The following RBFOX1 variants were observed in gnomAD, a reference collection of about 807,000 sequenced individuals.
RBFOX1 encodes RNA binding fox-1 homolog 1.
A neutral mutation model predicts 57.7 loss-of-function variants in RBFOX1; 8 were observed. The observed-to-expected ratio is 0.14, with a 90% confidence interval of 0.08 to 0.25. The LOEUF (loss-of-function observed/expected upper bound fraction) is 0.25, where lower values mean the gene tolerates loss of function less well. RBFOX1 is among the 10% of genes least tolerant of loss of function. RBFOX1 has a pLI of 1.00. For synonymous variants in RBFOX1, 326 were observed against 222.4 expected, an observed-to-expected ratio of 1.47 and a Z score of -4.15; for missense variants, 611 against 548.5, an observed-to-expected ratio of 1.11 and a Z score of -1.14.
chr16:7,088,301 G>T (rs1311407156), intron 4 of RBFOX1, among the ~76,000 whole-genome samples: 1 of 152,142 alleles, frequency 6.6e-6, no homozygotes, highest in Admixed American at 6.5e-5. Context: ...ACTGCTCTGA[G>T]TAGTGATGGC....
At chr16:6,159,915 C>T (rs2096865678) in intron 1 of RBFOX1, among the ~76,000 whole-genome samples, 3 of 152,128 alleles carry the variant, frequency 2.0e-5, no homozygotes, top group Non-Finnish European at 4.4e-5. Flanking sequence ...TTTCTTTTGC[C>T]AGCCTTAAGG....
chr16:5,381,894 C>T (rs189036223), intron 1 of RBFOX1, among the ~76,000 whole-genome samples: 455 of 152,312 alleles, frequency 3.0e-3, no homozygotes, highest in Middle Eastern at 0.017. Flanking sequence ...TCAGTCTTGG[C>T]GCTATTGACA....
In RBFOX1 at chr16:6,983,219, C is replaced by T. The variant is rs571766800; in HGVS notation, c.-15-68838C>T. Among the ~76,000 whole-genome samples, 21 of 152,134 alleles carry T rather than the reference C, an allele frequency of 1.4e-4. No individual in the cohort carries two copies. In the South Asian group the frequency reaches 2.3e-3, roughly 17 times the overall value. On this transcript the variant is annotated intron_variant, in intron 3 of 15. Coordinates refer to ENST00000550418, the MANE Select transcript of RBFOX1 (RefSeq NM_018723.4). The stretch of plus-strand genomic sequence containing the variant: ...GTACTCATCCTCTGACTCTGTCACC[C>T]GCTTTATCCTCTTGGTGATGGCAGA...
chr16:5,789,244 A>C (rs1352009794), intron 3 of RBFOX1, among the ~76,000 whole-genome samples: 2 of 152,194 alleles, frequency 1.3e-5, no homozygotes, highest in Admixed American at 6.5e-5. Flanking sequence ...GGGAGCCCAA[A>C]GTATGAATTA....
chr16:6,898,679 C>T (rs532480377), intron 3 of RBFOX1, among the ~76,000 whole-genome samples: 2 of 151,942 alleles, frequency 1.3e-5, no homozygotes, highest in Non-Finnish European at 2.9e-5. Flanking sequence ...TGTGTGTGTA[C>T]ATGTGTATAT....
intron 4 of RBFOX1, among the ~76,000 whole-genome samples, chr16:7,356,334 C>T (rs1285993607): frequency 1.3e-5 from 2 of 152,066 alleles, no homozygotes; most frequent in Non-Finnish European, 2.9e-5. Flanking sequence ...GAGGTATGCC[C>T]CAAGACACAG....
intron 2 of RBFOX1, among the ~76,000 whole-genome samples, chr16:6,584,001 T>TA (rs3045197): frequency 0.15 from 21,317 of 145,976 alleles, 1,785 homozygotes; most frequent in East Asian, 0.39. Context: ...CAACAACATT[T>TA]AAAAAAAAAA....
At chr16:5,475,416 C>T (rs556987735) in intron 2 of RBFOX1, among the ~76,000 whole-genome samples, 82 of 152,312 alleles carry the variant, frequency 5.4e-4, no homozygotes, top group African/African-American at 1.8e-3. Flanking sequence ...GAGATGACAG[C>T]TTTAAACTGT....
At chr16:6,498,959 C>A (rs1237301932) in intron 2 of RBFOX1, among the ~76,000 whole-genome samples, 2 of 152,084 alleles carry the variant, frequency 1.3e-5, no homozygotes, top group Non-Finnish European at 2.9e-5. Flanking sequence ...TCCAATACAC[C>A]CCATTGGCAA....
At chr16:7,030,895 A>G (rs1351610526) in intron 3 of RBFOX1, among the ~76,000 whole-genome samples, 1 of 152,206 alleles carries the variant, frequency 6.6e-6, no homozygotes, top group Non-Finnish European at 1.5e-5. Flanking sequence ...AAATGAATCC[A>G]ATCCTTGTCA....
Position 5,445,972 on chromosome 16 carries a change from T to C in RBFOX1, c.220-21244T>C, listed in dbSNP as rs542305304. Among the ~76,000 whole-genome samples, 19 of 152,354 alleles carry C rather than the reference T, an allele frequency of 1.2e-4. No homozygotes were observed. The South Asian group carries it at 3.5e-3, about 28-fold the overall frequency. ...GAACATTGAGTTTGAAGAATCTTTA[T>C]TGCTCTAACAAGTAAAAGACCCTTT... is the stretch of plus-strand genomic sequence containing the variant. On this transcript the variant is annotated intron_variant, in intron 1 of 2. Coordinates refer to the RBFOX1 transcript ENST00000585867.
At chr16:7,478,362 A>G (rs1010563972) in intron 4 of RBFOX1, among the ~76,000 whole-genome samples, 5 of 152,178 alleles carry the variant, frequency 3.3e-5, no homozygotes, top group African/African-American at 4.8e-5. Context: ...GGCCCAAGGG[A>G]AAAAAATACA....
intron 3 of RBFOX1, among the ~76,000 whole-genome samples, chr16:6,902,554 A>G (rs192955834): frequency 6.6e-5 from 10 of 152,230 alleles, no homozygotes; most frequent in African/African-American, 2.2e-4. Flanking sequence ...ATGCCCTGTC[A>G]CTACTAAAAA....
intron 2 of RBFOX1, among the ~76,000 whole-genome samples, chr16:6,450,715 C>T (rs553920016): frequency 7.7e-6 from 1 of 129,216 alleles, no homozygotes; most frequent in Non-Finnish European, 1.6e-5. Context: ...CTTTCTTGAC[C>T]TGTGGTGGTG....
chr16:6,450,789 A>ATATATGTG (rs2094582264), intron 2 of RBFOX1, among the ~76,000 whole-genome samples: 1 of 46,660 alleles, frequency 2.1e-5, no homozygotes, highest in African/African-American at 1.2e-4. Flanking sequence ...ATATATATAT[A>ATATATGTG]CATATATATA....
At chr16:5,790,452 G>GAA (rs1248730763) in intron 3 of RBFOX1, among the ~76,000 whole-genome samples, 2 of 130,420 alleles carry the variant, frequency 1.5e-5, no homozygotes, top group African/African-American at 5.8e-5. Flanking sequence ...GGAGCTCAAA[G>GAA]GAAGAAAAAA....
chr16:6,507,683 C>A (rs1430948646), intron 2 of RBFOX1, among the ~76,000 whole-genome samples: 1 of 152,004 alleles, frequency 6.6e-6, no homozygotes, highest in Non-Finnish European at 1.5e-5. Flanking sequence ...ATGGATGAAC[C>A]TTAATGGCAT....
Position 6,139,063 on chromosome 16 carries a change from G to A in RBFOX1, c.-127+119071G>A, listed in dbSNP as rs567953796. 2.7e-4 allele frequency among the ~76,000 whole-genome samples: 41 copies of A among 152,178 alleles called. No individual in the cohort carries two copies. The Middle Eastern group carries it at 0.01, about 38-fold the overall frequency. On this transcript the variant is annotated intron_variant, in intron 1 of 15. Transcript: ENST00000550418. The stretch of plus-strand genomic sequence containing the variant: ...TTATTATTACTATATACAGTTATTA[G>A]TGTTGTTTTTATTACCGCTATTGTT...
intron 3 of RBFOX1, among the ~76,000 whole-genome samples, chr16:5,692,168 TGTGTGTGTGTGTGTGTGTGTGTG>T (rs2050704563): frequency 8.4e-5 from 12 of 143,442 alleles, no homozygotes; most frequent in African/African-American, 1.1e-4. Context: ...GGACTGACTG[TGTGTGTGTGTGTGTGTGTGTGTG>T]TGTGTGTGTG....
Sources: gnomAD v4.1 joint callset for allele counts (sites outside exome capture counted in the v4.1 genomes callset) on GRCh38, gnomAD v4.1.1 for gene constraint, MANE v1.5 for transcripts, NCBI Gene and HGNC (gene_info 2026-07-23, HGNC 2026-07-21) for gene names.